The following CD46 variants were observed in gnomAD, a reference collection of about 807,000 sequenced individuals.
The protein encoded by CD46 is membrane cofactor protein.
CD46 carries 30 observed loss-of-function variants against 53.3 expected under a neutral mutation model. The observed-to-expected ratio is 0.56, with a 90% CI of 0.42 to 0.76. The LOEUF (loss-of-function observed/expected upper bound fraction) is 0.76, where lower values mean the gene tolerates loss of function less well. CD46 is among the 30% of genes least tolerant of loss of function. The pLI, the probability that CD46 is intolerant of heterozygous loss-of-function variation, is 0.00. For synonymous variants in CD46, 142 were observed against 152.0 expected (o/e 0.93, Z 0.48); for missense variants, 409 against 463.0 (o/e 0.88, Z 1.07).
chr1:207,793,628 G>T lies in CD46; in HGVS notation c.*151G>T. On this transcript the variant is annotated 3_prime_UTR_variant, in exon 13 of 13. Transcript: ENST00000367042. The stretch of plus-strand genomic sequence containing the variant: ...AACCTGGTTTGCCAGTTCATCTTTT[G>T]ACTCTATTAAAATCTTCAATAGTTG... 6.5e-7 allele frequency: 1 copy of T among 1,541,512 alleles called. No individual in the cohort carries two copies. Among genetic ancestry groups the T allele is most frequent in the South Asian group, 1.1e-5 (1 of 89,370 alleles).
At chr1:207,774,224 C>G (rs1425264945) in intron 8 of CD46, among the ~76,000 whole-genome samples, 5 of 149,762 alleles carry the variant, frequency 3.3e-5, no homozygotes, top group Admixed American at 6.6e-5. Context: ...TTTTTGCTTT[C>G]CATTTGCTTG....
chr1:207,757,704 C>G, intron 3 of CD46, 62 bp downstream of exon 3: 1 of 1,057,672 alleles, frequency 9.5e-7, no homozygotes, highest in Non-Finnish European at 1.4e-6. Context: ...TTTTGCTTCT[C>G]TTCTTAAGCA....
At chr1:207,767,552 A>G (rs749624620) in intron 6 of CD46, 12 of 1,333,618 alleles carry the variant, frequency 9.0e-6, no homozygotes, top group Non-Finnish European at 8.6e-6. Context: ...ATATAAATGA[A>G]ATGAGAGCAA....
chr1:207,766,224 G>T (rs1438121907), intron 5 of CD46, among the ~76,000 whole-genome samples: 1 of 152,126 alleles, frequency 6.6e-6, no homozygotes, highest in Admixed American at 6.6e-5. Context: ...TACTATGGTG[G>T]TAGTTACATG....
chr1:207,790,760 C>T (rs1476840207), intron 12 of CD46, among the ~76,000 whole-genome samples: 1 of 152,156 alleles, frequency 6.6e-6, no homozygotes, highest in Non-Finnish European at 1.5e-5. Context: ...TATTCAATTC[C>T]AACGTATAAA....
chr1:207,781,421 C>A (rs1658722423), intron 8 of CD46, among the ~76,000 whole-genome samples: 1 of 152,174 alleles, frequency 6.6e-6, no homozygotes, highest in South Asian at 2.1e-4. Flanking sequence ...ATTTGATGCA[C>A]AAAATTTGCT....
At chr1:207,757,259 TG>T in intron 2 of CD46, 57 bp downstream of exon 2, 2 of 1,425,408 alleles carry the variant, frequency 1.4e-6, no homozygotes, top group Non-Finnish European at 2.0e-6. Context: ...GCATACATTT[TG>T]GGGTACATAT....
At chr1:207,776,389 A>G (rs1658109698) in intron 8 of CD46, among the ~76,000 whole-genome samples, 1 of 152,208 alleles carries the variant, frequency 6.6e-6, no homozygotes, top group Admixed American at 6.5e-5. Flanking sequence ...TCCCAGTGAG[A>G]TGAACCAGGT....
chr1:207,764,882 A>T (rs1405622752), intron 5 of CD46, among the ~76,000 whole-genome samples: 1 of 152,216 alleles, frequency 6.6e-6, no homozygotes, highest in Non-Finnish European at 1.5e-5. Context: ...GGAATAAATC[A>T]CAGCAATTCT....
chr1:207,781,621 C>T (rs1311870069), intron 8 of CD46, among the ~76,000 whole-genome samples: 1 of 152,022 alleles, frequency 6.6e-6, no homozygotes, highest in Non-Finnish European at 1.5e-5. Flanking sequence ...AAGGGTCCAG[C>T]TTCACTTTTT....
chr1:207,785,616 T>C lies in CD46; in HGVS notation c.1019-3T>C, dbSNP rs531648232. On this transcript the variant is annotated splice_polypyrimidine_tract_variant and splice_region_variant and intron_variant, in intron 10 of 12. Coordinates refer to ENST00000367042, the MANE Select transcript of CD46 (RefSeq NM_172351.3). ...ATGTCATTTGTTTCCTGGTTTCTTA[T>C]AGTTGTTGGAGTTGCAGTAATTTGT... 2 of 1,601,182 alleles carry C rather than the reference T, an allele frequency of 1.2e-6. No individual in the cohort carries two copies. The highest frequency in any genetic ancestry group is 2.2e-5 in the South Asian group (2 of 90,840).
chr1:207,782,904 C>T (rs564794905), intron 8 of CD46, among the ~76,000 whole-genome samples: 8 of 151,588 alleles, frequency 5.3e-5, no homozygotes, highest in Middle Eastern at 3.4e-3. Flanking sequence ...CCGCCTGCCT[C>T]GGCCTCCCAA....
Position 207,752,309 on chromosome 1 carries a change from G to T in CD46, c.97G>T (p.Asp33Tyr). Residue 33 changes from aspartate (D) to tyrosine (Y), a missense_variant and splice_region_variant, in exon 1 of 13, where the codon GAT becomes TAT. Physicochemically the swap from Asp to Tyr is radical, Grantham distance 160. Transcript: ENST00000367042. This position sits in a 1 kb window ranked among gnomAD's most constrained non-coding sequence, Gnocchi z 4.1. ...GGTGTTGCTGCTGTACTCCTTCTCC[G>T]GTAGGACCCCGGGGCGGGTTCGCGC... is the stretch of plus-strand genomic sequence containing the variant. ...AMVLLLYSFS[D>Y]ACEEPPTFEA... is the part of the protein sequence containing the mutation. The T allele has an allele frequency of 6.2e-7, 1 of 1,613,704 alleles. No homozygotes were observed. The highest frequency in any genetic ancestry group is 8.5e-7 in the Non-Finnish European group (1 of 1,179,662).
At chr1:207,754,461 C>A (rs1029746912) in intron 1 of CD46, among the ~76,000 whole-genome samples, 3 of 152,170 alleles carry the variant, frequency 2.0e-5, no homozygotes, top group African/African-American at 7.2e-5. Flanking sequence ...TTAAAATGAC[C>A]TTTTCTGTTC....
intron 12 of CD46, 114 bp from the exon 13 acceptor site, chr1:207,793,405 G>C: frequency 1.3e-6 from 1 of 759,314 alleles, no homozygotes; most frequent in Non-Finnish European, 2.3e-6. Flanking sequence ...TCCCAGGTTG[G>C]TGGCTCATTA....
At chr1:207,774,388 G>C (rs1657868075) in intron 8 of CD46, among the ~76,000 whole-genome samples, 1 of 152,164 alleles carries the variant, frequency 6.6e-6, no homozygotes, top group Admixed American at 6.5e-5. Context: ...TTTCATTTAA[G>C]GCTAATAGTG....
chr1:207,782,510 A>G (rs892669935), intron 8 of CD46, among the ~76,000 whole-genome samples: 2 of 152,160 alleles, frequency 1.3e-5, no homozygotes, highest in Non-Finnish European at 2.9e-5. Context: ...GATCTTAGGG[A>G]AAAAGCCTTC....
At chr1:207,752,049 C>A (rs893942577), upstream of CD46, 13 of 761,234 alleles carry the variant, frequency 1.7e-5, no homozygotes, top group East Asian at 2.9e-4. This position sits in a 1 kb window ranked among gnomAD's most constrained non-coding sequence, Gnocchi z 4.1. Flanking sequence ...ACTTCCGCCC[C>A]GGGCGCGGCT....
chr1:207,767,987 T>C (rs1657056554), intron 7 of CD46, 164 bp downstream of exon 7: 2 of 640,196 alleles, frequency 3.1e-6, no homozygotes, highest in Non-Finnish European at 5.5e-6. Context: ...GATTCTAAAA[T>C]TATTTGCCAT....
Sources: allele counts gnomAD v4.1 joint callset (sites outside exome capture counted in the v4.1 genomes callset), GRCh38; gene constraint gnomAD v4.1.1; non-coding constraint Gnocchi (gnomAD v3.1); transcripts MANE v1.5; gene names NCBI Gene and HGNC (gene_info 2026-07-23, HGNC 2026-07-21).